Variants in AKIRIN2 observed in about 807,000 individuals in gnomAD.
AKIRIN2 encodes the protein akirin 2.
In AKIRIN2, 6 loss-of-function variants were observed where a neutral mutation model predicts 29.3. The ratio of observed to expected loss-of-function variants is 0.20; its 90% CI spans 0.11 to 0.40. The LOEUF is 0.40. Ranked by LOEUF, AKIRIN2 falls within the 10% of genes least tolerant of loss-of-function variation. The pLI is 1.00. For missense variants in AKIRIN2, 210 were observed against 276.1 expected (o/e 0.76, Z 1.70); for synonymous variants, 128 against 117.5 (o/e 1.09, Z -0.58).
At chr6:87,683,380 T>G (rs1417959741) in intron 1 of AKIRIN2, among the ~76,000 whole-genome samples, 18 of 152,248 alleles carry the variant, frequency 1.2e-4, no homozygotes, top group Admixed American at 1.2e-3. Context: ...TATGCTCATT[T>G]TCAGTTCTTT....
chr6:87,694,118 C>T (rs1244888050), intron 1 of AKIRIN2, among the ~76,000 whole-genome samples: 1 of 152,196 alleles, frequency 6.6e-6, no homozygotes, highest in Non-Finnish European at 1.5e-5. Flanking sequence ...GTCCCTCTCT[C>T]AAACCATTCC....
intron 2 of AKIRIN2, among the ~76,000 whole-genome samples, chr6:87,679,008 G>A (rs1227028188): frequency 6.6e-6 from 1 of 151,866 alleles, no homozygotes; most frequent in East Asian, 1.9e-4. Context: ...GGTGGCACAT[G>A]CCTGTAATCC....
chr6:87,701,523 C>T lies in AKIRIN2; in HGVS notation c.162G>A (p.Ala54=), dbSNP rs758705990. The change falls in exon 1 of 5, where the codon GCG becomes GCA. Residue 54 remains alanine (A), a synonymous_variant. Transcript: ENST00000257787. ...AAATAASFSA[A]AASPQKYLRM... Reference sequence around the variant, plus strand: ...GGAGATACTTCTGCGGCGAGGCGGCCGCAGCGGAGAAGGAGGCGGCGGTGG... The same window carrying T: ...GGAGATACTTCTGCGGCGAGGCGGCTGCAGCGGAGAAGGAGGCGGCGGTGG... 4 of 1,446,202 alleles carry T rather than the reference C, an allele frequency of 2.8e-6. No individual in the cohort carries two copies. The highest frequency in any genetic ancestry group is 3.6e-6 in the Non-Finnish European group (4 of 1,100,520). The allele number at this position is 1,446,202 out of a possible 1,614,324, so 89.6% of individuals were successfully genotyped here.
At chr6:87,691,706 G>T (rs1275543587) in intron 1 of AKIRIN2, among the ~76,000 whole-genome samples, 1 of 152,254 alleles carries the variant, frequency 6.6e-6, no homozygotes, top group Admixed American at 6.6e-5. Flanking sequence ...GGAGAAAAAG[G>T]CCATTTCAAA....
intron 2 of AKIRIN2, among the ~76,000 whole-genome samples, chr6:87,680,687 A>G (rs2128301170): frequency 6.6e-6 from 1 of 152,064 alleles, no homozygotes; most frequent in South Asian, 2.1e-4. Context: ...TTTACTAAAG[A>G]TAAGAGCCAC....
chr6:87,687,948 T>C (rs2754260), intron 1 of AKIRIN2, among the ~76,000 whole-genome samples: 94,980 of 151,986 alleles, frequency 0.62, 30,885 homozygotes, highest in African/African-American at 0.81. Context: ...AGCAACAAAG[T>C]GAAAACTCTA....
Position 87,701,633 on chromosome 6 carries a change from T to G in AKIRIN2, c.52A>C (p.Ser18Arg), listed in dbSNP as rs1433851473. The G allele has an allele frequency of 1.4e-6, 2 of 1,463,826 alleles. No homozygotes were observed. The highest frequency in any genetic ancestry group is 3.0e-5 in the African/African-American group (2 of 67,034). The allele number at this position is 1,463,826 out of a possible 1,614,324, so 90.7% of individuals were successfully genotyped here. ...KRTLDFDPLL[S>R]PASPKRRRCA... is the part of the protein sequence containing the mutation. ...CGCCTGCGCTTCGGGGACGCCGGGC[T>G]CAACAGCGGGTCGAAATCCAGAGTC... Residue 18 changes from serine to arginine, a missense_variant, in exon 1 of 5, where the codon AGC (serine) becomes CGC (arginine). This residue lies in a region of AKIRIN2 where 199 missense variants were observed against 236.5 expected (regional missense o/e 0.84). Coordinates refer to ENST00000257787, the MANE Select transcript of AKIRIN2 (RefSeq NM_018064.4).
intron 1 of AKIRIN2, among the ~76,000 whole-genome samples, chr6:87,691,656 GAGA>G (rs993563844): frequency 2.6e-5 from 4 of 152,148 alleles, no homozygotes; most frequent in Non-Finnish European, 5.9e-5. Context: ...CCCAGGTAAA[GAGA>G]AGAACAGCTA....
intron 1 of AKIRIN2, among the ~76,000 whole-genome samples, chr6:87,693,515 G>T (rs1771311281): frequency 6.6e-6 from 1 of 152,144 alleles, no homozygotes; most frequent in Admixed American, 6.5e-5. Flanking sequence ...GGATCACGAG[G>T]TCAGGAGTTC....
At chr6:87,683,231 G>A (rs1047038697) in intron 1 of AKIRIN2, among the ~76,000 whole-genome samples, 2 of 152,090 alleles carry the variant, frequency 1.3e-5, no homozygotes, top group Non-Finnish European at 2.9e-5. Flanking sequence ...ATACATACAC[G>A]AATGTGCAGT....
chr6:87,701,030 G>T (rs1040939839), intron 1 of AKIRIN2, among the ~76,000 whole-genome samples: 10 of 148,970 alleles, frequency 6.7e-5, no homozygotes, highest in Non-Finnish European at 1.3e-4. Flanking sequence ...AGAGTTAATA[G>T]CTGCAACCAA....
At chr6:87,690,369 A>C (rs1049336708) in intron 1 of AKIRIN2, among the ~76,000 whole-genome samples, 7 of 152,158 alleles carry the variant, frequency 4.6e-5, no homozygotes, top group African/African-American at 1.4e-4. Context: ...ACTTAAAATC[A>C]TTTTGCCACC....
At chr6:87,690,306 G>A (rs1237961728) in intron 1 of AKIRIN2, among the ~76,000 whole-genome samples, 1 of 151,976 alleles carries the variant, frequency 6.6e-6, no homozygotes, top group Non-Finnish European at 1.5e-5. Context: ...GGAGAGGAAG[G>A]AAAGCAAGAC....
chr6:87,687,439 C>CAAAAAAAA (rs201472497), intron 1 of AKIRIN2, among the ~76,000 whole-genome samples: 1,528 of 108,578 alleles, frequency 0.014, 68 homozygotes, highest in African/African-American at 0.039. Flanking sequence ...AATTCCGTTT[C>CAAAAAAAA]AAAAAAAAAA....
At chr6:87,676,461 A>AAC (rs1770991509) in intron 3 of AKIRIN2, among the ~76,000 whole-genome samples, 1 of 141,282 alleles carries the variant, frequency 7.1e-6, no homozygotes, top group Non-Finnish European at 1.6e-5. Context: ...AAAAAAAAAA[A>AAC]AAAAAAAAAA....
intron 1 of AKIRIN2, among the ~76,000 whole-genome samples, chr6:87,697,228 G>A (rs935304424): frequency 8.0e-5 from 12 of 150,544 alleles, no homozygotes; most frequent in African/African-American, 2.9e-4. Flanking sequence ...CTCGAGAATC[G>A]CTTGAACCCA....
intron 1 of AKIRIN2, among the ~76,000 whole-genome samples, chr6:87,691,066 T>C (rs1771270087): frequency 6.6e-6 from 1 of 152,148 alleles, no homozygotes; most frequent in Non-Finnish European, 1.5e-5. Flanking sequence ...TGTAAATTAG[T>C]TGTGAACATT....
chr6:87,677,549 C>T (rs1243071100), intron 3 of AKIRIN2, among the ~76,000 whole-genome samples: 2 of 152,052 alleles, frequency 1.3e-5, no homozygotes, highest in Non-Finnish European at 2.9e-5. Context: ...AATCCACAAC[C>T]AAATTGAGGT....
chr6:87,692,789 G>A (rs1256490942), intron 1 of AKIRIN2, among the ~76,000 whole-genome samples: 1 of 152,188 alleles, frequency 6.6e-6, no homozygotes, highest in Non-Finnish European at 1.5e-5. Context: ...CAGCCTGGGT[G>A]ACAGAGTAAG....
Sources: gnomAD v4.1 joint callset for allele counts (sites outside exome capture counted in the v4.1 genomes callset) on GRCh38, gnomAD v4.1.1 for gene constraint, gnomAD v4.1.1 regional missense constraint, MANE v1.5 for transcripts, NCBI Gene and HGNC (gene_info 2026-07-23, HGNC 2026-07-21) for gene names.